The following DAB1 variants were observed in gnomAD, a reference collection of about 807,000 sequenced individuals.
DAB1 encodes DAB adaptor protein 1, also known as disabled homolog 1.
DAB1 carries 15 observed loss-of-function variants against 64.6 expected under a neutral mutation model. That is an observed-to-expected ratio of 0.23 (90% CI 0.16 to 0.36). The LOEUF (loss-of-function observed/expected upper bound fraction) is 0.36, where lower values mean the gene tolerates loss of function less well. Among genes scored for constraint, DAB1 ranks in the 10% least tolerant of loss-of-function variants. The pLI, the probability that DAB1 is intolerant of heterozygous loss-of-function variation, is 1.00. For synonymous variants in DAB1, 235 were observed against 251.9 expected, an observed-to-expected ratio of 0.93 and a Z score of 0.64; for missense variants, 596 against 706.7, an observed-to-expected ratio of 0.84 and a Z score of 1.78.
intron 5 of DAB1, among the ~76,000 whole-genome samples, chr1:58,024,077 C>A (rs1310689497): frequency 6.6e-6 from 1 of 152,164 alleles, no homozygotes; most frequent in African/African-American, 2.4e-5. Context: ...TCAGCTCTCT[C>A]GTAATTATGT....
intron 3 of DAB1, among the ~76,000 whole-genome samples, chr1:58,455,072 T>C (rs1166011915): frequency 6.6e-6 from 1 of 152,160 alleles, no homozygotes; most frequent in Non-Finnish European, 1.5e-5. Flanking sequence ...TGAGGAAGTG[T>C]CTATATTTGA....
chr1:57,623,011 T>C (rs1395849236), intron 7 of DAB1, among the ~76,000 whole-genome samples: 1 of 152,216 alleles, frequency 6.6e-6, no homozygotes, highest in African/African-American at 2.4e-5. Flanking sequence ...GGCAGGGTGA[T>C]TTATAGAAGG....
At chr1:58,197,495 G>A (rs543602317) in intron 4 of DAB1, among the ~76,000 whole-genome samples, 9 of 151,642 alleles carry the variant, frequency 5.9e-5, no homozygotes, top group Admixed American at 2.6e-4. Context: ...CATCTCAAGC[G>A]GTTCTCCTGC....
At chr1:57,199,856 A>G (rs59496461) in intron 2 of DAB1, among the ~76,000 whole-genome samples, 4,577 of 152,232 alleles carry the variant, frequency 0.03, 160 homozygotes, top group South Asian at 0.086. Context: ...TAAGTAACAC[A>G]AATGCACTTG....
chr1:58,166,546 C>T (rs926229194), intron 4 of DAB1, among the ~76,000 whole-genome samples: 3 of 152,144 alleles, frequency 2.0e-5, no homozygotes, highest in Admixed American at 6.5e-5. Flanking sequence ...TTCACCACTA[C>T]GTGAACATTT....
intron 6 of DAB1, among the ~76,000 whole-genome samples, chr1:57,750,531 A>T (rs1364404287): frequency 1.3e-5 from 2 of 152,180 alleles, no homozygotes; most frequent in Non-Finnish European, 2.9e-5. Flanking sequence ...ATAAACATTC[A>T]ATGAAATAAT....
intron 5 of DAB1, among the ~76,000 whole-genome samples, chr1:58,129,190 C>G (rs201940761): frequency 0.19 from 27,419 of 146,284 alleles, 2,767 homozygotes; most frequent in East Asian, 0.33. Context: ...TCTTGGGAGA[C>G]TGTATGTGTC....
chr1:57,225,911 A>G (rs983711650), intron 2 of DAB1, among the ~76,000 whole-genome samples: 1 of 152,184 alleles, frequency 6.6e-6, no homozygotes, highest in African/African-American at 2.4e-5. Flanking sequence ...AAATTTACAT[A>G]TCACCTAATA....
chr1:58,179,606 A>G (rs1656668879), intron 4 of DAB1, among the ~76,000 whole-genome samples: 1 of 152,080 alleles, frequency 6.6e-6, no homozygotes, highest in Non-Finnish European at 1.5e-5. Context: ...TAAGTTGTCT[A>G]AATTTTTGGC....
chr1:57,738,830 G>T (rs1232483776), intron 6 of DAB1, among the ~76,000 whole-genome samples: 1 of 152,202 alleles, frequency 6.6e-6, no homozygotes, highest in Non-Finnish European at 1.5e-5. Context: ...TTTTTCCAAA[G>T]CCATTAGGTT....
intron 6 of DAB1, among the ~76,000 whole-genome samples, chr1:57,784,304 G>A (rs866371462): frequency 6.6e-6 from 1 of 152,092 alleles, no homozygotes; most frequent in South Asian, 2.1e-4. Flanking sequence ...TGAGGTGGGA[G>A]GATCACTTGA....
chr1:58,057,611 T>C (rs572491362), intron 5 of DAB1, among the ~76,000 whole-genome samples: 1 of 152,314 alleles, frequency 6.6e-6, no homozygotes, highest in Non-Finnish European at 1.5e-5. Flanking sequence ...TGCTAGCAAC[T>C]GCTAGAAGAT....
chr1:57,273,537 G>C (rs1480781562), intron 2 of DAB1, among the ~76,000 whole-genome samples: 1 of 60,156 alleles, frequency 1.7e-5, no homozygotes. Flanking sequence ...CTGCCTGCCT[G>C]CCTGCCTGCC....
intron 5 of DAB1, among the ~76,000 whole-genome samples, chr1:57,942,414 A>G (rs954513675): frequency 6.6e-6 from 1 of 152,234 alleles, no homozygotes; most frequent in Non-Finnish European, 1.5e-5. Flanking sequence ...GATAGCACTC[A>G]GTCTTTGGGT....
At chr1:58,128,749 T>C (rs1474575266) in intron 5 of DAB1, among the ~76,000 whole-genome samples, 7 of 125,152 alleles carry the variant, frequency 5.6e-5, no homozygotes, top group African/African-American at 1.6e-4. Context: ...GTTTATATGC[T>C]GGATTACATT....
At chr1:58,230,136 A>C (rs569335) in intron 4 of DAB1, among the ~76,000 whole-genome samples, 146,364 of 152,250 alleles carry the variant, frequency 0.96, 70,468 homozygotes, top group Non-Finnish European at 0.98. Context: ...ATTAAGTTGA[A>C]AAAAAGAACA....
chr1:57,878,322 G>A (rs1644086651), intron 1 of DAB1: 1 of 152,084 alleles, frequency 6.6e-6, no homozygotes, highest in African/African-American at 2.4e-5. Flanking sequence ...GAGGAATTCT[G>A]GACTGAAGAG....
intron 4 of DAB1, among the ~76,000 whole-genome samples, chr1:58,176,573 C>A (rs1371138243): frequency 6.6e-6 from 1 of 152,094 alleles, no homozygotes; most frequent in Non-Finnish European, 1.5e-5. Flanking sequence ...TTTACCATCA[C>A]AAGACAGAAG....
intron 6 of DAB1, among the ~76,000 whole-genome samples, chr1:57,753,075 CTTGAAGCAGCTGTG>C (rs1648628913): frequency 6.6e-6 from 1 of 152,168 alleles, no homozygotes; most frequent in African/African-American, 2.4e-5. Flanking sequence ...GAGGTGATCC[CTTGAAGCAGCTGTG>C]TTCTGCCTGA....
Sources: gnomAD v4.1 joint callset for allele counts (sites outside exome capture counted in the v4.1 genomes callset) on GRCh38, gnomAD v4.1.1 for gene constraint, MANE v1.5 for transcripts, NCBI Gene and HGNC (gene_info 2026-07-23, HGNC 2026-07-21) for gene names.